VPS53: variants seen among roughly 807,000 people sequenced by gnomAD.
VPS53 encodes the protein VPS53 subunit of GARP complex.
A neutral mutation model predicts 107.0 loss-of-function variants in VPS53; 70 were observed. The observed-to-expected ratio is 0.65, with a 90% CI of 0.54 to 0.80. VPS53 has a LOEUF of 0.80. Ranked by LOEUF, VPS53 falls within the 30% of genes least tolerant of loss-of-function variation. The pLI is 0.00. For synonymous variants in VPS53, 409 were observed against 393.3 expected (o/e 1.04, Z -0.47); for missense variants, 917 against 1,049.4 (o/e 0.87, Z 1.74).
chr17:667,788 C>T (rs1274650913), intron 4 of VPS53, among the ~76,000 whole-genome samples: 1 of 152,056 alleles, frequency 6.6e-6, no homozygotes, highest in Admixed American at 6.5e-5. Flanking sequence ...GGAACTGGGC[C>T]GCACAGCAGG....
At chr17:620,045 AT>A (rs1969403489) in intron 11 of VPS53, among the ~76,000 whole-genome samples, 2 of 152,206 alleles carry the variant, frequency 1.3e-5, no homozygotes, top group African/African-American at 2.4e-5. Context: ...TTTGTGACCC[AT>A]TTTTTTCCCT....
chr17:638,593 T>C (rs1232357534), intron 7 of VPS53, among the ~76,000 whole-genome samples: 2 of 152,158 alleles, frequency 1.3e-5, no homozygotes. Context: ...CTTCAGGAGC[T>C]CTTGTAGGGC....
At chr17:662,264 G>A (rs540119895) in intron 4 of VPS53, among the ~76,000 whole-genome samples, 1 of 152,292 alleles carries the variant, frequency 6.6e-6, no homozygotes, top group South Asian at 2.1e-4. Flanking sequence ...TGGGGCAAGG[G>A]AAAGCTCTGG....
chr17:574,734 C>T lies in VPS53; in HGVS notation c.1313+11536G>A, dbSNP rs368152310. On this transcript the variant is annotated intron_variant, in intron 13 of 21. Coordinates refer to ENST00000437048, the MANE Select transcript of VPS53 (RefSeq NM_001128159.3). ...GAGTCCTGATCACGCCTCTGTACTC[C>T]ATCTTAGCTGACACTGAGACCCCGT... 5.3e-5 allele frequency among the ~76,000 whole-genome samples: 8 copies of T among 152,248 alleles called. No homozygotes were observed. In the East Asian group the frequency reaches 7.7e-4, roughly 15 times the overall value.
chr17:613,999 AGAGG>A (rs903939113), intron 11 of VPS53, among the ~76,000 whole-genome samples: 3 of 152,234 alleles, frequency 2.0e-5, no homozygotes, highest in African/African-American at 7.2e-5. Flanking sequence ...GACACTGTCC[AGAGG>A]GAGGGAAGGC....
At chr17:593,999 G>A (rs1002914691) in intron 12 of VPS53, among the ~76,000 whole-genome samples, 56 of 152,324 alleles carry the variant, frequency 3.7e-4, no homozygotes, top group Middle Eastern at 3.4e-3. Context: ...ATGAGTTCGC[G>A]TCCTTTGTAG....
Position 594,383 on chromosome 17 carries a change from G to T in VPS53, c.1218+7412C>A, listed in dbSNP as rs528623896. On this transcript the variant is annotated intron_variant, in intron 12 of 21. Coordinates refer to ENST00000437048, the MANE Select transcript of VPS53 (RefSeq NM_001128159.3). ...CATGGGCTGGAGGGCAACACTGTGT[G>T]GGAGGCAAAGGCACTCCTGCCTCAG... is the stretch of plus-strand genomic sequence containing the variant. Among the ~76,000 whole-genome samples, 6 of 152,374 alleles carry T rather than the reference G, an allele frequency of 3.9e-5. No individual in the cohort carries two copies. In the East Asian group the frequency reaches 1.2e-3, roughly 29 times the overall value.
chr17:652,030 C>T (rs1438005082), intron 7 of VPS53, among the ~76,000 whole-genome samples: 3 of 151,004 alleles, frequency 2.0e-5, no homozygotes, highest in Admixed American at 1.3e-4. Context: ...TGAGTCTCAC[C>T]CTGTCGCCCA....
chr17:640,173 C>G (rs1970365930), intron 7 of VPS53, among the ~76,000 whole-genome samples: 1 of 152,204 alleles, frequency 6.6e-6, no homozygotes, highest in African/African-American at 2.4e-5. Flanking sequence ...ATGAGCGAGT[C>G]TCCGTGGGTG....
At chr17:597,060 T>G (rs1174457497) in intron 12 of VPS53, among the ~76,000 whole-genome samples, 2 of 152,182 alleles carry the variant, frequency 1.3e-5, no homozygotes, top group Non-Finnish European at 2.9e-5. Context: ...TCAGGCTCCT[T>G]TCAGATGTCA....
chr17:521,622 G>A lies in VPS53; in HGVS notation c.2202C>T (p.Thr734=), dbSNP rs927163696. ...TCACCTTGAGGATCATCTCAGCCCG[G>A]GTCATGCCTTTGACAACGATCTTGG... ...SYTKIVVKGM[T]RAEMILKVVM... Residue 734 remains threonine (T), a synonymous_variant, in exon 20 of 22, where the codon ACC becomes ACT. Transcript: ENST00000437048. 3.9e-6 allele frequency: 6 copies of A among 1,550,280 alleles called. No homozygotes were observed. In the East Asian group the frequency reaches 1.5e-4, roughly 38 times the overall value.
chr17:677,180 C>T (rs1972201182), intron 4 of VPS53, among the ~76,000 whole-genome samples: 2 of 152,072 alleles, frequency 1.3e-5, no homozygotes, highest in Admixed American at 6.6e-5. Context: ...TCACAAAAGC[C>T]AAATGGTGGA....
intron 12 of VPS53, among the ~76,000 whole-genome samples, chr17:590,231 T>C (rs1727313088): frequency 6.6e-6 from 1 of 152,162 alleles, no homozygotes; most frequent in African/African-American, 2.4e-5. Context: ...TGATTTTGTA[T>C]CCTGAGACTT....
chr17:566,493 G>A (rs1440614837), intron 13 of VPS53, among the ~76,000 whole-genome samples: 1 of 152,196 alleles, frequency 6.6e-6, no homozygotes, highest in Non-Finnish European at 1.5e-5. Context: ...AATGAGTGGA[G>A]TGAAGCTTCA....
chr17:582,548 G>A (rs972633550), intron 13 of VPS53, among the ~76,000 whole-genome samples: 4 of 148,420 alleles, frequency 2.7e-5, no homozygotes, highest in Non-Finnish European at 4.5e-5. Flanking sequence ...AGCTCAATGC[G>A]TTCCCAGAGA....
At chr17:622,376 T>C (rs1231410825) in intron 11 of VPS53, among the ~76,000 whole-genome samples, 1 of 115,750 alleles carries the variant, frequency 8.6e-6, no homozygotes, top group East Asian at 2.3e-4. Flanking sequence ...TTCTCTATTG[T>C]TACCCGCAGT....
chr17:654,804 A>G (rs1971117863), intron 6 of VPS53, among the ~76,000 whole-genome samples: 1 of 151,228 alleles, frequency 6.6e-6, no homozygotes, highest in African/African-American at 2.4e-5. Context: ...TTCCGTTGCT[A>G]CCACCACCTG....
chr17:667,840 TCCCCCTCCTC>T (rs1002039617), intron 4 of VPS53, among the ~76,000 whole-genome samples: 6 of 151,968 alleles, frequency 3.9e-5, no homozygotes, highest in Non-Finnish European at 7.4e-5. Context: ...TCTTCTGAGC[TCCCCCTCCTC>T]AGATCAGCAG....
chr17:570,866 G>C (rs1567635988), intron 13 of VPS53, among the ~76,000 whole-genome samples: 1 of 152,170 alleles, frequency 6.6e-6, no homozygotes, highest in Non-Finnish European at 1.5e-5. Context: ...GGTTATGTGA[G>C]GGGTCTGGGA....
Sources: allele counts gnomAD v4.1 joint callset (sites outside exome capture counted in the v4.1 genomes callset), GRCh38; gene constraint gnomAD v4.1.1; transcripts MANE v1.5; gene names NCBI Gene and HGNC (gene_info 2026-07-23, HGNC 2026-07-21).